CCDC134: variants seen among roughly 807,000 people sequenced by gnomAD.
CCDC134 encodes coiled-coil domain-containing protein 134.
Under a neutral mutation model 25.6 loss-of-function variants are expected in CCDC134, and 27 were observed. That is an observed-to-expected ratio of 1.05 (90% CI 0.78 to 1.45). The LOEUF is 1.45. Among genes scored for constraint, CCDC134 ranks in the 40% most tolerant of loss-of-function variants. The pLI is 0.00. For missense variants in CCDC134, 261 were observed against 286.7 expected (o/e 0.91, Z 0.65); for synonymous variants, 110 against 115.0 (o/e 0.96, Z 0.28).
At position 41,800,714 on chromosome 22, in the gene CCDC134, C is replaced by T. The variant is rs1000625746; in HGVS notation, c.-69C>T. ...CTGTTAGCCTGTTGGACCTTCGAGC[C>T]TAGCTGCTCGCACAGGACTCGGCCA... On this transcript the variant is annotated 5_prime_UTR_variant, in exon 1 of 7. Transcript: ENST00000255784. The T allele has an allele frequency of 6.6e-6, 1 of 152,374 alleles. No homozygotes were observed. Among genetic ancestry groups the T allele is most frequent in the Non-Finnish European group, 1.5e-5 (1 of 68,128 alleles). 9.4% of individuals were successfully genotyped at this position (152,374 alleles called of 1,614,324 possible).
intron 6 of CCDC134, among the ~76,000 whole-genome samples, chr22:41,816,379 T>C (rs1287350178): frequency 6.6e-6 from 1 of 152,256 alleles, no homozygotes; most frequent in Non-Finnish European, 1.5e-5. Flanking sequence ...CTGGTGTGTC[T>C]GCACAAGGTC....
intron 6 of CCDC134, among the ~76,000 whole-genome samples, chr22:41,818,558 T>C (rs1197637600): frequency 6.6e-6 from 1 of 152,214 alleles, no homozygotes; most frequent in African/African-American, 2.4e-5. Flanking sequence ...TATTAGCTTT[T>C]ATATTAGCTG....
intron 6 of CCDC134, among the ~76,000 whole-genome samples, chr22:41,819,468 T>C (rs1174457764): frequency 6.6e-6 from 1 of 152,224 alleles, no homozygotes; most frequent in African/African-American, 2.4e-5. Flanking sequence ...GACGAACTTA[T>C]GCAAAGGCTC....
At chr22:41,819,963 TTA>T (rs34213936) in intron 6 of CCDC134, among the ~76,000 whole-genome samples, 8,924 of 82,314 alleles carry the variant, frequency 0.11, 397 homozygotes, top group African/African-American at 0.16. Context: ...ACTTACCACT[TTA>T]TATATATATA....
intron 1 of CCDC134, among the ~76,000 whole-genome samples, chr22:41,801,710 A>AT (rs1017344509): frequency 2.6e-5 from 4 of 152,032 alleles, no homozygotes; most frequent in African/African-American, 9.7e-5. Context: ...GAGTGCAGAG[A>AT]TTTTTGCTTA....
chr22:41,819,693 G>A (rs149810598), intron 6 of CCDC134, among the ~76,000 whole-genome samples: 6 of 152,140 alleles, frequency 3.9e-5, no homozygotes, highest in Non-Finnish European at 5.9e-5. Flanking sequence ...GGTAAGGTGG[G>A]GGTGCAGTTG....
chr22:41,819,274 C>T (rs999866666), intron 6 of CCDC134, among the ~76,000 whole-genome samples: 2 of 152,138 alleles, frequency 1.3e-5, no homozygotes, highest in African/African-American at 2.4e-5. Context: ...CTGGCCCTGT[C>T]GCAGCTCCTC....
intron 4 of CCDC134, 151 bp downstream of exon 4, chr22:41,810,442 G>A (rs923112699): frequency 5.3e-6 from 3 of 561,774 alleles, no homozygotes; most frequent in Non-Finnish European, 9.4e-6. Context: ...TGGGCGTTTC[G>A]TGAGTGGCCT....
intron 4 of CCDC134, among the ~76,000 whole-genome samples, chr22:41,812,659 T>C (rs1462478126): frequency 6.6e-6 from 1 of 151,990 alleles, no homozygotes; most frequent in Non-Finnish European, 1.5e-5. Context: ...TAATTAAATA[T>C]ATTCATTCAT....
chr22:41,825,434 G>T lies in CCDC134; in HGVS notation c.565-264G>T, dbSNP rs2076672009. ...GGAGGAGTCTGTGTGTTGTTTCTCA[G>T]ATGCCCCATGTAGGTTCCCACCTCA... On this transcript the variant is annotated intron_variant, in intron 6 of 6. Coordinates refer to ENST00000255784, the MANE Select transcript of CCDC134 (RefSeq NM_024821.5). This position sits in a 1 kb window ranked among gnomAD's most constrained non-coding sequence, Gnocchi z 4.4. 6.6e-6 allele frequency among the ~76,000 whole-genome samples: 1 copy of T among 152,058 alleles called. No homozygotes were observed. The highest frequency in any genetic ancestry group is 1.9e-4 in the East Asian group (1 of 5,186).
At position 41,813,446 on chromosome 22, in the gene CCDC134, G is replaced by T; in HGVS notation, c.492+1G>T. 1 of 1,614,216 alleles carries T rather than the reference G, an allele frequency of 6.2e-7. No homozygotes were observed. The highest frequency in any genetic ancestry group is 1.7e-5 in the Admixed American group (1 of 60,026). ...GCCCCACTCGCCCATCCTCAGCCTG[G>T]TAAGGACTGGGGTGGAGGTGGCCCG... On this transcript the variant is annotated splice_donor_variant, in intron 5 of 6. Transcript: ENST00000255784. LOFTEE classifies it high-confidence loss of function.
intron 6 of CCDC134, among the ~76,000 whole-genome samples, chr22:41,819,065 G>A (rs552131295): frequency 1.2e-4 from 18 of 152,298 alleles, no homozygotes; most frequent in African/African-American, 4.1e-4. Flanking sequence ...CATGCTGGAT[G>A]GGGACAGTTC....
chr22:41,801,244 A>C (rs2076541880), intron 1 of CCDC134, among the ~76,000 whole-genome samples: 1 of 152,012 alleles, frequency 6.6e-6, no homozygotes, highest in African/African-American at 2.4e-5. Context: ...AGGAGGTGGA[A>C]TGTGGAGGGT....
At chr22:41,822,410 G>A (rs1057486438) in intron 6 of CCDC134, among the ~76,000 whole-genome samples, 1 of 152,172 alleles carries the variant, frequency 6.6e-6, no homozygotes, top group African/African-American at 2.4e-5. Flanking sequence ...AATACATGTG[G>A]TCTGCCTCTT....
At chr22:41,821,114 G>T (rs1480697237) in intron 6 of CCDC134, among the ~76,000 whole-genome samples, 1 of 152,106 alleles carries the variant, frequency 6.6e-6, no homozygotes, top group African/African-American at 2.4e-5. Flanking sequence ...GGGAGCGATC[G>T]GTGTGTCAGA....
intron 6 of CCDC134, among the ~76,000 whole-genome samples, chr22:41,820,198 A>C (rs1443504583): frequency 6.6e-6 from 1 of 150,846 alleles, no homozygotes; most frequent in East Asian, 2.0e-4. Flanking sequence ...GGGTTTCACC[A>C]TATTAGCCAG....
rs115767823 is a variant in CCDC134, at chr22:41,830,470, C to T, written c.*4647C>T. Among the ~76,000 whole-genome samples, 339 of 152,284 alleles carry T rather than the reference C, an allele frequency of 2.2e-3. 1 individual carries two copies. Among genetic ancestry groups the T allele is most frequent in the African/African-American group, 7.8e-3 (324 of 41,562 alleles). On this transcript the variant is annotated 3_prime_UTR_variant, in exon 7 of 7. Coordinates refer to ENST00000255784, the MANE Select transcript of CCDC134 (RefSeq NM_024821.5). ...GTTGTTGCTGAATCCCCCCAGAGTA[C>T]CAGTCACACACCAGTGTGAGGGGCC...
chr22:41,828,703 TG>T lies in CCDC134; in HGVS notation c.*2881del, dbSNP rs148031821. 0.12 allele frequency among the ~76,000 whole-genome samples: 18,004 copies of T among 152,134 alleles called. 1,573 individuals carry two copies. Among genetic ancestry groups the T allele is most frequent in the Admixed American group, 0.31 (4,712 of 15,252 alleles). On this transcript the variant is annotated 3_prime_UTR_variant, in exon 7 of 7. Transcript: ENST00000255784. ...CTGTAAAGGCCCTAGGGCACATGTT[TG>T]TCCAGCTGCCTCTTGCAGCTGGGAT...
In CCDC134 at chr22:41,829,506, C is replaced by G. The variant is rs1423301953; in HGVS notation, c.*3683C>G. On this transcript the variant is annotated 3_prime_UTR_variant, in exon 7 of 7. Coordinates refer to ENST00000255784, the MANE Select transcript of CCDC134 (RefSeq NM_024821.5). Reference sequence around the variant, plus strand: ...TGGTTATTTCCCTCTCTAACCCCATCTCTGTGTCAAACAGTGGAGTACATG... The same window carrying G: ...TGGTTATTTCCCTCTCTAACCCCATGTCTGTGTCAAACAGTGGAGTACATG... Among the ~76,000 whole-genome samples, 1 of 152,222 alleles carries G rather than the reference C, an allele frequency of 6.6e-6. No homozygotes were observed. Among genetic ancestry groups the G allele is most frequent in the Non-Finnish European group, 1.5e-5 (1 of 68,048 alleles).
Sources: allele counts gnomAD v4.1 joint callset (sites outside exome capture counted in the v4.1 genomes callset), GRCh38; gene constraint gnomAD v4.1.1; non-coding constraint Gnocchi (gnomAD v3.1); transcripts MANE v1.5; gene names NCBI Gene and HGNC (gene_info 2026-07-23, HGNC 2026-07-21).